The following COX10 variants were observed in gnomAD, a reference collection of about 807,000 sequenced individuals.
COX10 encodes protoheme IX farnesyltransferase, mitochondrial.
In COX10, 27 loss-of-function variants were observed where a neutral mutation model predicts 37.3. The ratio of observed to expected loss-of-function variants is 0.72; its 90% CI spans 0.53 to 1.00. COX10 has a LOEUF of 1.00. COX10 is among the 50% of genes least tolerant of loss of function. The pLI is 0.00. For synonymous variants in COX10, 222 were observed against 229.1 expected (o/e 0.97, Z 0.28); for missense variants, 475 against 563.2 (o/e 0.84, Z 1.59).
chr17:14,070,749 G>A (rs1459076586), intron 1 of COX10, among the ~76,000 whole-genome samples: 1 of 152,146 alleles, frequency 6.6e-6, no homozygotes. Flanking sequence ...TGCGTTCTTC[G>A]TTCTTTTTCA....
chr17:14,146,262 G>C (rs1224393446), intron 4 of COX10, among the ~76,000 whole-genome samples: 1 of 152,064 alleles, frequency 6.6e-6, no homozygotes, highest in Non-Finnish European at 1.5e-5. Context: ...TAGAGCTATA[G>C]TAACCAAAAC....
chr17:14,168,665 G>A (rs913902183), intron 5 of COX10, among the ~76,000 whole-genome samples: 1 of 152,220 alleles, frequency 6.6e-6, no homozygotes, highest in African/African-American at 2.4e-5. Flanking sequence ...CTTGGGGCTT[G>A]CACCTTCTGA....
At chr17:14,176,932 A>G (rs2856138) in intron 5 of COX10, among the ~76,000 whole-genome samples, 34 of 152,294 alleles carry the variant, frequency 2.2e-4, no homozygotes, top group Admixed American at 5.9e-4. Context: ...AAAACCCTTT[A>G]CATTTTAAGC....
intron 4 of COX10, among the ~76,000 whole-genome samples, chr17:14,149,948 TG>T (rs1904840747): frequency 6.6e-6 from 1 of 151,784 alleles, no homozygotes; most frequent in African/African-American, 2.4e-5. Context: ...GGAAGGGAGA[TG>T]GTGGGGAAGT....
intron 4 of COX10, among the ~76,000 whole-genome samples, chr17:14,105,325 T>G (rs1187630404): frequency 6.6e-6 from 1 of 152,184 alleles, no homozygotes; most frequent in Non-Finnish European, 1.5e-5. Flanking sequence ...TTTTTGCTTC[T>G]ATAAGTAACA....
At chr17:14,096,073 A>G (rs1597498742) in intron 3 of COX10, among the ~76,000 whole-genome samples, 2 of 152,208 alleles carry the variant, frequency 1.3e-5, no homozygotes, top group African/African-American at 2.4e-5. Context: ...AGTCCCAGGC[A>G]GCACAAGGCA....
At chr17:14,160,307 A>G (rs1905147742) in intron 5 of COX10, among the ~76,000 whole-genome samples, 1 of 152,250 alleles carries the variant, frequency 6.6e-6, no homozygotes, top group African/African-American at 2.4e-5. Flanking sequence ...GAAGAAGGAT[A>G]TGTCTGAAAT....
chr17:14,178,589 GC>G (rs1229423946), intron 5 of COX10, among the ~76,000 whole-genome samples: 1 of 148,626 alleles, frequency 6.7e-6, no homozygotes, highest in African/African-American at 2.4e-5. Flanking sequence ...CCTTTTTGTA[GC>G]CGACTTCTGG....
chr17:14,202,227 T>TG (rs1906565165), intron 6 of COX10, among the ~76,000 whole-genome samples: 1 of 150,976 alleles, frequency 6.6e-6, no homozygotes, highest in African/African-American at 2.4e-5. Flanking sequence ...CAACAACTTT[T>TG]TTTTTTTTTT....
At chr17:14,163,074 T>C (rs1465471688) in intron 5 of COX10, among the ~76,000 whole-genome samples, 2 of 152,128 alleles carry the variant, frequency 1.3e-5, no homozygotes, top group African/African-American at 4.8e-5. Context: ...TACTGACTGG[T>C]TTGAAAATAA....
intron 3 of COX10, among the ~76,000 whole-genome samples, chr17:14,101,121 T>C (rs1459894878): frequency 6.6e-6 from 1 of 152,172 alleles, no homozygotes; most frequent in Admixed American, 6.6e-5. Context: ...GAACAGACAC[T>C]ACTTTGCAAT....
chr17:14,185,225 G>C (rs1392078272), intron 5 of COX10, among the ~76,000 whole-genome samples: 5 of 150,524 alleles, frequency 3.3e-5, no homozygotes, highest in Non-Finnish European at 7.4e-5. Context: ...GTGTGCCTGT[G>C]TGCGTCTCCA....
intron 5 of COX10, among the ~76,000 whole-genome samples, chr17:14,186,331 C>T (rs951406267): frequency 1.3e-5 from 2 of 152,024 alleles, no homozygotes; most frequent in African/African-American, 4.8e-5. Context: ...TTCTACTCTC[C>T]AGATATGTGG....
chr17:14,096,076 A>ACAAGG (rs1299319466), intron 3 of COX10, among the ~76,000 whole-genome samples: 2 of 152,202 alleles, frequency 1.3e-5, no homozygotes, highest in African/African-American at 2.4e-5. Context: ...CCCAGGCAGC[A>ACAAGG]CAAGGCATGG....
chr17:14,102,594 T>C (rs1915809497), intron 4 of COX10, among the ~76,000 whole-genome samples: 1 of 152,204 alleles, frequency 6.6e-6, no homozygotes, highest in African/African-American at 2.4e-5. Context: ...TACTCTTTCT[T>C]GGTTTGATTT....
At chr17:14,128,846 TTTTA>T (rs1398711621) in intron 4 of COX10, among the ~76,000 whole-genome samples, 2 of 152,210 alleles carry the variant, frequency 1.3e-5, no homozygotes, top group African/African-American at 2.4e-5. Context: ...TCTACATTTA[TTTTA>T]TTTATTTTTT....
Position 14,157,476 on chromosome 17 carries a change from T to C in COX10, c.625-2401T>C, listed in dbSNP as rs76442327. On this transcript the variant is annotated intron_variant, in intron 4 of 6. Transcript: ENST00000261643. ...TCCTGTAAGAATAATTGCACACATA[T>C]GCAGATGCATGTTTAGGGATGTTTG... Among the ~76,000 whole-genome samples, 1,500 of 152,318 alleles carry C rather than the reference T, an allele frequency of 9.8e-3. 17 individuals are homozygous for C. The highest frequency in any genetic ancestry group is 0.034 in the African/African-American group (1,416 of 41,574).
At chr17:14,105,906 A>G (rs969350151) in intron 4 of COX10, among the ~76,000 whole-genome samples, 4 of 152,142 alleles carry the variant, frequency 2.6e-5, no homozygotes, top group Middle Eastern at 3.2e-3. Flanking sequence ...TTTAACATGG[A>G]TATCTTCACA....
In COX10 at chr17:14,208,536, C is replaced by G. The variant is rs1226502967; in HGVS notation, c.*1323C>G. On this transcript the variant is annotated 3_prime_UTR_variant, in exon 7 of 7. Coordinates refer to ENST00000261643, the MANE Select transcript of COX10 (RefSeq NM_001303.4). Reference sequence around the variant, plus strand: ...CTGTTTGCACTTATCTGAAATCTTCCCTCTTGGCTGCCCCCAGGTATTTAC... The same window carrying G: ...CTGTTTGCACTTATCTGAAATCTTCGCTCTTGGCTGCCCCCAGGTATTTAC... 6.6e-6 allele frequency: 1 copy of G among 152,168 alleles called. No homozygotes were observed. Among genetic ancestry groups the G allele is most frequent in the Non-Finnish European group, 1.5e-5 (1 of 68,042 alleles). 9.4% of individuals were successfully genotyped at this position (152,168 alleles called of 1,614,324 possible).
Sources: gnomAD v4.1 joint callset for allele counts (sites outside exome capture counted in the v4.1 genomes callset) on GRCh38, gnomAD v4.1.1 for gene constraint, MANE v1.5 for transcripts, NCBI Gene and HGNC (gene_info 2026-07-23, HGNC 2026-07-21) for gene names.